The following MMP26 variants were observed in gnomAD, a reference collection of about 807,000 sequenced individuals.
MMP26 encodes matrix metallopeptidase 26.
In MMP26, 33 loss-of-function variants were observed where a neutral mutation model predicts 31.0. That is an observed-to-expected ratio of 1.06 (90% confidence interval 0.81 to 1.42). The LOEUF (loss-of-function observed/expected upper bound fraction) is 1.42, where lower values mean the gene tolerates loss of function less well. Among genes scored for constraint, MMP26 ranks in the 40% most tolerant of loss-of-function variants. The pLI, the probability that MMP26 is intolerant of heterozygous loss-of-function variation, is 0.00. For synonymous variants in MMP26, 122 were observed against 114.9 expected, an observed-to-expected ratio of 1.06 and a Z score of -0.40; for missense variants, 347 against 316.1, an observed-to-expected ratio of 1.10 and a Z score of -0.74.
intron 2 of MMP26, among the ~76,000 whole-genome samples, chr11:4,820,935 G>A (rs558864076): frequency 6.0e-4 from 92 of 152,254 alleles, no homozygotes; most frequent in African/African-American, 2.1e-3. Context: ...ATATGGGCCT[G>A]TGTGTCCCAG....
chr11:4,775,822 G>T (rs1848784873), intron 2 of MMP26, among the ~76,000 whole-genome samples: 1 of 151,924 alleles, frequency 6.6e-6, no homozygotes, highest in Non-Finnish European at 1.5e-5. Context: ...AAATTTAAGG[G>T]GTACAAGTAT....
At chr11:4,749,272 G>GAA (rs1455796214) in intron 1 of MMP26, among the ~76,000 whole-genome samples, 2 of 151,698 alleles carry the variant, frequency 1.3e-5, no homozygotes, top group East Asian at 3.9e-4. Context: ...AAATGCTGAG[G>GAA]AAAAAAATGT....
intron 1 of MMP26, among the ~76,000 whole-genome samples, chr11:4,743,557 G>A (rs1035372827): frequency 2.6e-5 from 4 of 152,086 alleles, no homozygotes; most frequent in African/African-American, 9.7e-5. Context: ...TCTCTTTAGG[G>A]AAATTAATGT....
chr11:4,760,599 T>A (rs1048568174), intron 1 of MMP26, among the ~76,000 whole-genome samples: 4 of 152,208 alleles, frequency 2.6e-5, no homozygotes, highest in Non-Finnish European at 5.9e-5. Flanking sequence ...ACAGCATCAT[T>A]AATAGGCTGT....
intron 2 of MMP26, among the ~76,000 whole-genome samples, chr11:4,898,831 C>CTCTGTGTG (rs1209504498): frequency 9.6e-5 from 9 of 94,154 alleles, no homozygotes; most frequent in African/African-American, 2.1e-4. Flanking sequence ...CTCTCTCTCT[C>CTCTGTGTG]TGTGTGTGTG....
At chr11:4,885,484 T>TA (rs1228068592) in intron 2 of MMP26, among the ~76,000 whole-genome samples, 1 of 152,148 alleles carries the variant, frequency 6.6e-6, no homozygotes, top group Non-Finnish European at 1.5e-5. Flanking sequence ...AGCATTGTGT[T>TA]ACAGTTACCT....
At chr11:4,723,021 C>A in intron 1 of MMP26, 1 of 967,794 alleles carries the variant, frequency 1.0e-6, no homozygotes, top group East Asian at 2.4e-5. Flanking sequence ...CTGTAGGTGG[C>A]GATCTCGATA....
intron 2 of MMP26, among the ~76,000 whole-genome samples, chr11:4,878,880 A>G (rs1435294392): frequency 6.6e-6 from 1 of 152,116 alleles, no homozygotes; most frequent in Non-Finnish European, 1.5e-5. Context: ...TCACTGGGAT[A>G]AGCACCTTTG....
chr11:4,934,450 A>T (rs1336392525), intron 2 of MMP26, among the ~76,000 whole-genome samples: 6 of 83,372 alleles, frequency 7.2e-5, no homozygotes, highest in Non-Finnish European at 1.4e-4. Flanking sequence ...AATTTGTTTG[A>T]GTTCATTGTA....
intron 2 of MMP26, among the ~76,000 whole-genome samples, chr11:4,900,608 T>G (rs1057167676): frequency 1.2e-4 from 18 of 152,190 alleles, no homozygotes; most frequent in African/African-American, 4.3e-4. Context: ...TGATATAAAT[T>G]GTCAGGTCCA....
intron 2 of MMP26, among the ~76,000 whole-genome samples, chr11:4,855,342 C>A (rs190368616): frequency 3.4e-4 from 51 of 152,170 alleles, no homozygotes; most frequent in African/African-American, 1.2e-3. Context: ...AGATGAATGG[C>A]TAACTAGGAT....
intron 2 of MMP26, among the ~76,000 whole-genome samples, chr11:4,786,474 G>A (rs1313418259): frequency 2.2e-5 from 3 of 135,458 alleles, no homozygotes; most frequent in African/African-American, 8.1e-5. Context: ...ACAGTGCAAG[G>A]TAGTAAGATC....
chr11:4,959,406 T>A (rs1221839202), intron 2 of MMP26, among the ~76,000 whole-genome samples: 1 of 152,190 alleles, frequency 6.6e-6, no homozygotes, highest in Non-Finnish European at 1.5e-5. Flanking sequence ...AAATATGAGT[T>A]TGACCATTCT....
chr11:4,972,174 T>C (rs1034269508), intron 2 of MMP26, among the ~76,000 whole-genome samples: 3 of 152,116 alleles, frequency 2.0e-5, no homozygotes, highest in Admixed American at 6.5e-5. Flanking sequence ...TAACCAGATA[T>C]GGAGGGGAAG....
At chr11:4,907,447 G>C in intron 2 of MMP26, 1 of 1,613,888 alleles carries the variant, frequency 6.2e-7, no homozygotes, top group African/African-American at 1.3e-5. Context: ...CCCACATTTG[G>C]TTCTCCATCC....
At chr11:4,908,277 T>C (rs1850937091) in intron 2 of MMP26, 2 of 1,613,970 alleles carry the variant, frequency 1.2e-6, no homozygotes, top group South Asian at 2.2e-5. Context: ...GAGAAGATCT[T>C]GGGGAAGTTG....
At chr11:4,768,905 G>A in intron 2 of MMP26, 1 of 922,836 alleles carries the variant, frequency 1.1e-6, no homozygotes. Context: ...GCAATAGGCA[G>A]TAAGAGAGCA....
chr11:4,870,419 G>A (rs1041076970), intron 2 of MMP26, among the ~76,000 whole-genome samples: 3 of 152,084 alleles, frequency 2.0e-5, no homozygotes, highest in African/African-American at 7.2e-5. Flanking sequence ...AAAAGAAAAT[G>A]GGGCTACAGT....
intron 2 of MMP26, among the ~76,000 whole-genome samples, chr11:4,857,665 A>G (rs1164955524): frequency 6.6e-6 from 1 of 152,198 alleles, no homozygotes; most frequent in African/African-American, 2.4e-5. Context: ...AGCTGGTACC[A>G]TTCCTTCTGA....
Sources: gnomAD v4.1 joint callset for allele counts (sites outside exome capture counted in the v4.1 genomes callset) on GRCh38, gnomAD v4.1.1 for gene constraint, MANE v1.5 for transcripts, NCBI Gene and HGNC (gene_info 2026-07-23, HGNC 2026-07-21) for gene names.